The following WDR86 variants were observed in gnomAD, a reference collection of about 807,000 sequenced individuals.
WDR86 encodes WD repeat domain 86, also known as WD repeat-containing protein 86.
In WDR86, 30 loss-of-function variants were observed where a neutral mutation model predicts 36.5. The observed-to-expected ratio is 0.82, with a 90% CI of 0.61 to 1.11. The LOEUF (loss-of-function observed/expected upper bound fraction) is 1.11, where lower values mean the gene tolerates loss of function less well. WDR86 is among the 50% of genes most tolerant of loss of function. The pLI, the probability that WDR86 is intolerant of heterozygous loss-of-function variation, is 0.00. For missense variants in WDR86, 545 were observed against 561.2 expected, an observed-to-expected ratio of 0.97 and a Z score of 0.29; for synonymous variants, 255 against 252.9, an observed-to-expected ratio of 1.01 and a Z score of -0.08.
rs1467433260 is a variant in WDR86 at position 151,388,120 on chromosome 7, C to T, written c.727-2897G>A. Among the ~76,000 whole-genome samples, 1 of 152,212 alleles carries T rather than the reference C, an allele frequency of 6.6e-6. No homozygotes were observed. Among genetic ancestry groups the T allele is most frequent in the Non-Finnish European group, 1.5e-5 (1 of 68,038 alleles). The stretch of plus-strand genomic sequence containing the variant: ...AACTGGTACGACAGGGCTTTTGCAG[C>T]CAGAGACTGCCCCACGACATCCTTG... On this transcript the variant is annotated intron_variant, in intron 3 of 5. Coordinates refer to ENST00000334493, the MANE Select transcript of WDR86 (RefSeq NM_198285.3). This position sits in a 1 kb window ranked among gnomAD's most constrained non-coding sequence, Gnocchi z 4.2.
chr7:151,391,631 G>T (rs61649669), intron 3 of WDR86, among the ~76,000 whole-genome samples: 2,329 of 152,224 alleles, frequency 0.015, 70 homozygotes, highest in African/African-American at 0.053. Flanking sequence ...GTGGGAAAAG[G>T]TGCCTTCCCC....
downstream of WDR86, among the ~76,000 whole-genome samples, chr7:151,373,150 G>A (rs1237353267): frequency 6.6e-6 from 1 of 152,184 alleles, no homozygotes; most frequent in Non-Finnish European, 1.5e-5. Flanking sequence ...TCTCTGGAAG[G>A]AAGGAGTCTG....
chr7:151,380,401 A>G (rs1029806279), downstream of WDR86, among the ~76,000 whole-genome samples: 1 of 151,882 alleles, frequency 6.6e-6, no homozygotes, highest in Non-Finnish European at 1.5e-5. Context: ...TCTACCTGAA[A>G]GGGCTGCTCC....
chr7:151,387,121 C>A (rs1205414236), intron 3 of WDR86, among the ~76,000 whole-genome samples: 2 of 152,194 alleles, frequency 1.3e-5, no homozygotes, highest in Non-Finnish European at 1.5e-5. Flanking sequence ...AGTCACAGAG[C>A]CTCTCAGGCT....
chr7:151,373,398 G>C (rs1322623998), downstream of WDR86, among the ~76,000 whole-genome samples: 2 of 152,218 alleles, frequency 1.3e-5, no homozygotes, highest in Non-Finnish European at 2.9e-5. Flanking sequence ...GAACTCTCCT[G>C]ATTGGCCCTG....
chr7:151,397,819 AG>A (rs1425757482), intron 2 of WDR86, among the ~76,000 whole-genome samples: 3 of 98,800 alleles, frequency 3.0e-5, no homozygotes, highest in Non-Finnish European at 4.1e-5. Flanking sequence ...CGGGAGGAAG[AG>A]GGTGTAGCGG....
chr7:151,395,944 G>A lies in WDR86; in HGVS notation c.558C>T (p.His186=), dbSNP rs920202270. Residue 186 remains histidine, a synonymous_variant, in exon 3 of 6, where the codon CAC becomes CAT. Coordinates refer to ENST00000334493, the MANE Select transcript of WDR86 (RefSeq NM_198285.3). ...KVWQVASGCC[H]QTLRGHTGAV... is the part of the protein sequence containing the mutation. ...CACCCGTGTGGCCCCGCAGCGTCTGGTGGCAGCAGCCGCTGGCCACCTGCC... is the reference window on the plus strand; with the variant it reads ...CACCCGTGTGGCCCCGCAGCGTCTGATGGCAGCAGCCGCTGGCCACCTGCC... 1.2e-5 allele frequency: 19 copies of A among 1,591,664 alleles called. No homozygotes were observed. In the African/African-American group the frequency reaches 2.0e-4, roughly 17 times the overall value.
At chr7:151,382,124 T>C in intron 4 of WDR86, 143 bp from the exon 5 acceptor site, 1 of 688,906 alleles carries the variant, frequency 1.5e-6, no homozygotes, top group South Asian at 1.8e-5. Context: ...AAGTGGACAG[T>C]GCCCCTCCAG....
intron 4 of WDR86, among the ~76,000 whole-genome samples, chr7:151,384,449 C>T (rs1248548660): frequency 1.3e-5 from 2 of 152,246 alleles, no homozygotes; most frequent in East Asian, 1.9e-4. Flanking sequence ...CGTCCTTTCG[C>T]CCTTCATCCT....
rs1201918217 is a variant in WDR86, at chr7:151,401,624, GC to G, written c.164-1384del. On this transcript the variant is annotated intron_variant, in intron 1 of 5. Transcript: ENST00000334493. This position sits in a 1 kb window ranked among gnomAD's most constrained non-coding sequence, Gnocchi z 4.3. ...AGATACTGTGGTAGGCAGAATGACG[GC>G]CCCAAGACAGCAGGTCCTAATCCCT... Among the ~76,000 whole-genome samples, 1 of 152,124 alleles carries G rather than the reference GC, an allele frequency of 6.6e-6. No individual in the cohort carries two copies. Among genetic ancestry groups the G allele is most frequent in the Non-Finnish European group, 1.5e-5 (1 of 68,014 alleles).
chr7:151,377,032 G>A (rs940871489), downstream of WDR86: 65 of 1,526,846 alleles, frequency 4.3e-5, no homozygotes, highest in East Asian at 7.2e-5. Flanking sequence ...TTACTCCTGC[G>A]GTATTTTATT....
chr7:151,408,194 CTTTTCTTTTTTTTTTTTTTT>C (rs975668510), intron 1 of WDR86, among the ~76,000 whole-genome samples: 2 of 124,672 alleles, frequency 1.6e-5, no homozygotes, highest in African/African-American at 3.2e-5. Flanking sequence ...TTTTTCTTTT[CTTTTCTTTTTTTTTTTTTTT>C]TAGACAGAGT....
rs73474459 is a variant in WDR86, at chr7:151,396,216, G to C, written c.306-20C>G. On this transcript the variant is annotated intron_variant, in intron 2 of 5. Transcript: ENST00000334493. Reference sequence around the variant, plus strand: ...AGGATCCTGGGGGCAAGAGGGAAGGGGTCAGGGATCAGAAGGCACGGGTTC... The same window carrying C: ...AGGATCCTGGGGGCAAGAGGGAAGGCGTCAGGGATCAGAAGGCACGGGTTC... The C allele has an allele frequency of 5.7e-3, 9,132 of 1,612,600 alleles. 279 individuals are homozygous for C. The African/African-American group carries it at 0.059, about 10-fold the overall frequency.
chr7:151,377,289 C>T (rs760109106), downstream of WDR86: 13 of 1,120,596 alleles, frequency 1.2e-5, no homozygotes, highest in Middle Eastern at 2.8e-4. Context: ...AAGGCTAATG[C>T]AGCTCTTTCT....
In WDR86 at chr7:151,406,489, AG is replaced by A. The variant is rs1388890968; in HGVS notation, c.163+2937del. ...GCTCTTGTGGGCCCAGAGCTGTGCA[AG>A]GGCCAGGACGGAACCAAAGTGGAAA... On this transcript the variant is annotated intron_variant, in intron 1 of 5. Transcript: ENST00000334493. The surrounding 1 kb of genome is among the most constrained non-coding windows in gnomAD (Gnocchi z 4.4). 2.0e-5 allele frequency among the ~76,000 whole-genome samples: 3 copies of A among 152,206 alleles called. No individual in the cohort carries two copies. The highest frequency in any genetic ancestry group is 2.9e-5 in the Non-Finnish European group (2 of 68,038).
At chr7:151,403,775 A>T (rs1474312610) in intron 1 of WDR86, among the ~76,000 whole-genome samples, 1 of 152,190 alleles carries the variant, frequency 6.6e-6, no homozygotes, top group Non-Finnish European at 1.5e-5. Context: ...TAAGATTGTC[A>T]ATAAACTTTC....
intron 1 of WDR86, among the ~76,000 whole-genome samples, chr7:151,408,014 C>G (rs1800848397): frequency 1.3e-5 from 2 of 151,976 alleles, no homozygotes; most frequent in Non-Finnish European, 2.9e-5. Context: ...TCTAAAAGAC[C>G]TCATATTTTC....
At position 151,410,010 on chromosome 7, in the gene WDR86, C is replaced by G. The variant is rs925853287; in HGVS notation, c.-421G>C. On this transcript the variant is annotated 5_prime_UTR_variant, in exon 1 of 6. Coordinates refer to ENST00000334493, the MANE Select transcript of WDR86 (RefSeq NM_198285.3). The stretch of plus-strand genomic sequence containing the variant: ...CACGGGAAGCCGAGCGCCCCGCGCC[C>G]TCCCCGGCCGAGCGCGGAACAATAC... 3.0e-6 allele frequency: 3 copies of G among 996,388 alleles called. No homozygotes were observed. Among genetic ancestry groups the G allele is most frequent in the African/African-American group, 3.5e-5 (2 of 57,710 alleles). 61.7% of individuals were successfully genotyped at this position (996,388 alleles called of 1,614,324 possible). A position where few individuals can be genotyped will look rare whatever the true frequency, so the allele number is the denominator to read the frequency against.
At chr7:151,374,330 G>C (rs775250298), downstream of WDR86, 1 of 1,471,544 alleles carries the variant, frequency 6.8e-7, no homozygotes, top group Non-Finnish European at 9.2e-7. Context: ...GCATCCTCCC[G>C]GGCTCACTCC....
Sources: allele counts gnomAD v4.1 joint callset (sites outside exome capture counted in the v4.1 genomes callset), GRCh38; gene constraint gnomAD v4.1.1; non-coding constraint Gnocchi (gnomAD v3.1); transcripts MANE v1.5; gene names NCBI Gene and HGNC (gene_info 2026-07-23, HGNC 2026-07-21).